Variants in HIVEP1 observed in about 807,000 individuals in gnomAD.
The protein encoded by HIVEP1 is HIVEP zinc finger 1.
Under a neutral mutation model 180.0 loss-of-function variants are expected in HIVEP1, and 36 were observed. The ratio of observed to expected loss-of-function variants is 0.20; its 90% confidence interval spans 0.15 to 0.26. The LOEUF is 0.26. HIVEP1 is among the 10% of genes least tolerant of loss of function. The pLI is 1.00. For synonymous variants in HIVEP1, 1,239 were observed against 1,239.0 expected (o/e 1.00, Z 0.00); for missense variants, 3,143 against 3,268.7 (o/e 0.96, Z 0.94).
intron 3 of HIVEP1, among the ~76,000 whole-genome samples, chr6:12,095,007 T>C (rs1773705431): frequency 1.3e-5 from 2 of 152,158 alleles, no homozygotes; most frequent in Middle Eastern, 3.4e-3. Flanking sequence ...ATTTTTCTTA[T>C]AATTTATCCA....
chr6:12,185,514 T>C, the HIVEP1 span, among the ~76,000 whole-genome samples: 4 of 152,212 alleles, frequency 2.6e-5, no homozygotes, highest in Admixed American at 6.5e-5. Flanking sequence ...CGTTCTGACC[T>C]GGCAGAGTGG....
In HIVEP1 at chr6:12,164,525, C is replaced by T. The variant is rs943026796; in HGVS notation, c.*64C>T. The T allele has an allele frequency of 1.2e-5, 15 of 1,271,058 alleles. No individual in the cohort carries two copies. The highest frequency in any genetic ancestry group is 1.5e-5 in the Non-Finnish European group (14 of 932,570). 78.7% of individuals were successfully genotyped at this position (1,271,058 alleles called of 1,614,324 possible). Reference sequence around the variant, plus strand: ...CTTAAAGGTTTCTTTGAAAACCCTCCTTTCCTTAAAGCACATTTTTCTGAC... The same window carrying T: ...CTTAAAGGTTTCTTTGAAAACCCTCTTTTCCTTAAAGCACATTTTTCTGAC... On this transcript the variant is annotated 3_prime_UTR_variant, in exon 9 of 9. Transcript: ENST00000379388.
At chr6:12,160,190 A>C (rs1177579674) in intron 7 of HIVEP1, among the ~76,000 whole-genome samples, 1 of 152,206 alleles carries the variant, frequency 6.6e-6, no homozygotes, top group Non-Finnish European at 1.5e-5. Context: ...AATTTGCAAG[A>C]TTTTGAAAAT....
chr6:12,175,858 G>A, the HIVEP1 span, among the ~76,000 whole-genome samples: 1 of 152,178 alleles, frequency 6.6e-6, no homozygotes, highest in African/African-American at 2.4e-5. Flanking sequence ...GGGAGGGTAC[G>A]TATTGCCTGG....
intron 2 of HIVEP1, among the ~76,000 whole-genome samples, chr6:12,059,376 G>A (rs1021430848): frequency 2.8e-4 from 42 of 152,066 alleles, no homozygotes; most frequent in Admixed American, 1.2e-3. Flanking sequence ...TTTGGGGGGC[G>A]GGGTACAGAG....
the HIVEP1 span, among the ~76,000 whole-genome samples, chr6:12,210,131 G>A: frequency 6.6e-6 from 1 of 152,118 alleles, no homozygotes; most frequent in African/African-American, 2.4e-5. Context: ...GGAGTTTATG[G>A]TACATGTGAA....
chr6:12,013,799 C>T (rs558874159), intron 1 of HIVEP1, among the ~76,000 whole-genome samples: 151 of 143,814 alleles, frequency 1.0e-3, no homozygotes, highest in Non-Finnish European at 1.9e-3. Context: ...TAGCACAATG[C>T]TAGATGAAAT....
intron 2 of HIVEP1, 58 bp from the exon 3 acceptor site, chr6:12,089,126 C>A: frequency 1.1e-6 from 1 of 930,554 alleles, no homozygotes; most frequent in Non-Finnish European, 1.7e-6. Flanking sequence ...GTTTGCTTTA[C>A]TGTACTCTTA....
intron 7 of HIVEP1, among the ~76,000 whole-genome samples, chr6:12,151,922 G>A (rs147752757): frequency 1.6e-3 from 243 of 152,272 alleles, no homozygotes; most frequent in African/African-American, 4.9e-3. Context: ...TTGGGAGGCC[G>A]AGGCGGGTGG....
the HIVEP1 span, among the ~76,000 whole-genome samples, chr6:12,207,002 T>C: frequency 1.3e-5 from 2 of 152,052 alleles, no homozygotes; most frequent in Admixed American, 1.3e-4. Context: ...ACCTAGGGGG[T>C]TGCCAACATT....
chr6:12,178,962 T>A, the HIVEP1 span, among the ~76,000 whole-genome samples: 1 of 152,322 alleles, frequency 6.6e-6, no homozygotes, highest in Admixed American at 6.5e-5. Context: ...TGTTTTGAGA[T>A]AAAATAACCA....
the HIVEP1 span, among the ~76,000 whole-genome samples, chr6:12,204,238 T>C: frequency 6.6e-6 from 1 of 152,124 alleles, no homozygotes; most frequent in Non-Finnish European, 1.5e-5. Context: ...TTGCACTGTC[T>C]ATCATAGGAC....
chr6:12,014,611 CA>C (rs1024317761), intron 1 of HIVEP1, among the ~76,000 whole-genome samples: 172 of 152,302 alleles, frequency 1.1e-3, no homozygotes, highest in African/African-American at 4.0e-3. Flanking sequence ...CTTTGCTTCT[CA>C]GTTTTCTTGC....
At chr6:12,017,536 C>G (rs1221176501) in intron 2 of HIVEP1, among the ~76,000 whole-genome samples, 1 of 151,790 alleles carries the variant, frequency 6.6e-6, no homozygotes, top group East Asian at 1.9e-4. Flanking sequence ...CAAGCAGTTG[C>G]AACTGCTGCC....
Position 12,122,140 on chromosome 6 carries a change from C to G in HIVEP1, c.2345C>G (p.Ser782Cys), listed in dbSNP as rs1416786186. ...CTGTCAAGACGAGGAAGCATTGATT[C>G]CCCCAAATCATACATATTTAAAGAT... ...TSLSRRGSID[S>C]PKSYIFKDSF... Residue 782 changes from serine (S) to cysteine (C), a missense_variant, in exon 4 of 9, where the codon TCC becomes TGC. Around this residue, in one of 12 missense-constraint regions of HIVEP1, gnomAD observed 32 missense variants for 70.0 expected, o/e 0.46. Coordinates refer to ENST00000379388, the MANE Select transcript of HIVEP1 (RefSeq NM_002114.4). 1 of 1,614,116 alleles carries G rather than the reference C, an allele frequency of 6.2e-7. No individual in the cohort carries two copies. The highest frequency in any genetic ancestry group is 1.7e-5 in the Admixed American group (1 of 60,024).
intron 2 of HIVEP1, among the ~76,000 whole-genome samples, chr6:12,036,321 TTTTGAAA>T (rs757640695): frequency 8.5e-5 from 13 of 152,176 alleles, no homozygotes; most frequent in Non-Finnish European, 1.8e-4. Flanking sequence ...AAATGATAAT[TTTTGAAA>T]TCCTGTGGAA....
chr6:12,040,783 C>A (rs1441197260), intron 2 of HIVEP1, among the ~76,000 whole-genome samples: 1 of 151,972 alleles, frequency 6.6e-6, no homozygotes, highest in Non-Finnish European at 1.5e-5. Flanking sequence ...ATAGCACTGG[C>A]ATCTGCCTCT....
chr6:12,128,096 A>T (rs1175836231), intron 4 of HIVEP1, among the ~76,000 whole-genome samples: 1 of 152,260 alleles, frequency 6.6e-6, no homozygotes, highest in African/African-American at 2.4e-5. Flanking sequence ...CTCATTGATA[A>T]CTTTGGCAAG....
Position 12,053,686 on chromosome 6 carries a change from C to T in HIVEP1, c.41-35498C>T, listed in dbSNP as rs184688432. On this transcript the variant is annotated intron_variant, in intron 2 of 8. Transcript: ENST00000379388. ...GGGATGCTCTGTTGGGGGCTGTGTA[C>T]TGCTTAAGCTAGGATATATTTGGAG... Among the ~76,000 whole-genome samples, 31 of 152,206 alleles carry T rather than the reference C, an allele frequency of 2.0e-4. 1 individual carries two copies. Among genetic ancestry groups the T allele is most frequent in the South Asian group, 1.7e-3 (8 of 4,832 alleles).
Sources: gnomAD v4.1 joint callset for allele counts (sites outside exome capture counted in the v4.1 genomes callset) on GRCh38, gnomAD v4.1.1 for gene constraint, gnomAD v4.1.1 regional missense constraint, MANE v1.5 for transcripts, NCBI Gene and HGNC (gene_info 2026-07-23, HGNC 2026-07-21) for gene names.